The following ITSN1 variants were observed in gnomAD, a reference collection of about 807,000 sequenced individuals.
The protein encoded by ITSN1 is intersectin 1.
In ITSN1, 58 loss-of-function variants were observed where a neutral mutation model predicts 239.8. The observed-to-expected ratio is 0.24, with a 90% CI of 0.20 to 0.30. The LOEUF (loss-of-function observed/expected upper bound fraction) is 0.30, where lower values mean the gene tolerates loss of function less well. Among genes scored for constraint, ITSN1 ranks in the 10% least tolerant of loss-of-function variants. The pLI is 1.00. For synonymous variants in ITSN1, 780 were observed against 770.8 expected (o/e 1.01, Z -0.20); for missense variants, 1,558 against 2,103.3 (o/e 0.74, Z 5.07).
Position 33,865,260 on chromosome 21 carries a change from A to C in ITSN1, c.4000A>C (p.Ser1334Arg), listed in dbSNP as rs1284036421. The C allele has an allele frequency of 1.9e-6, 3 of 1,609,782 alleles. No individual in the cohort carries two copies. The highest frequency in any genetic ancestry group is 2.5e-6 in the Non-Finnish European group (3 of 1,178,430). The change falls in exon 32 of 40, where the codon AGC (serine) becomes CGC (arginine). Residue 1334 changes from serine (S) to arginine (R), a missense_variant. This residue lies in a region of ITSN1 where 576 missense variants were observed against 893.3 expected (regional missense o/e 0.64). Coordinates refer to ENST00000381318, the MANE Select transcript of ITSN1 (RefSeq NM_003024.3). The surrounding 1 kb of genome is among the most constrained non-coding windows in gnomAD (Gnocchi z 4.4). ...PHMQPYIRFC[S>R]RQLNGAALIQ... ...CATGCAGCCCTACATCCGCTTCTGC[A>C]GCCGCCAGCTCAACGGGGCTGCCCT...
intron 1 of ITSN1, among the ~76,000 whole-genome samples, chr21:33,673,542 C>T (rs2090425949): frequency 6.6e-6 from 1 of 152,144 alleles, no homozygotes; most frequent in Non-Finnish European, 1.5e-5. Flanking sequence ...GAGGACAGAG[C>T]GTGGACTTGC....
At chr21:33,691,831 G>T (rs767092327) in intron 1 of ITSN1, among the ~76,000 whole-genome samples, 3 of 152,176 alleles carry the variant, frequency 2.0e-5, no homozygotes, top group Admixed American at 1.3e-4. Context: ...TCCCATTCAT[G>T]AAGGCTCCAC....
At chr21:33,790,900 T>C (rs2071076363) in intron 16 of ITSN1, among the ~76,000 whole-genome samples, 1 of 152,202 alleles carries the variant, frequency 6.6e-6, no homozygotes, top group Admixed American at 6.5e-5. Flanking sequence ...AGGATACTTC[T>C]TAATAACTGT....
intron 1 of ITSN1, among the ~76,000 whole-genome samples, chr21:33,679,257 A>G (rs546390967): frequency 6.6e-6 from 1 of 152,202 alleles, no homozygotes; most frequent in South Asian, 2.1e-4. Context: ...TATGCATAGT[A>G]TTTGTGTTCT....
intron 12 of ITSN1, among the ~76,000 whole-genome samples, chr21:33,773,379 C>G (rs151236408): frequency 2.6e-5 from 4 of 152,028 alleles, no homozygotes; most frequent in African/African-American, 9.7e-5. Context: ...TGGAAGGCTT[C>G]GTAAATTTAG....
chr21:33,655,525 A>G lies in ITSN1; in HGVS notation c.-33+12812A>G, dbSNP rs545564722. Among the ~76,000 whole-genome samples, 106 of 150,782 alleles carry G rather than the reference A, an allele frequency of 7.0e-4. 1 individual carries two copies. The South Asian group carries it at 0.016, about 23-fold the overall frequency. On this transcript the variant is annotated intron_variant, in intron 1 of 39. Coordinates refer to ENST00000381318, the MANE Select transcript of ITSN1 (RefSeq NM_003024.3). The stretch of plus-strand genomic sequence containing the variant: ...AATCTCTACCTCCTGGGTTCAAACA[A>G]TCCCCCCACCTCAGCCCCCAGAGTG...
intron 33 of ITSN1, among the ~76,000 whole-genome samples, chr21:33,873,868 A>G (rs1983179294): frequency 6.7e-6 from 1 of 149,088 alleles, no homozygotes; most frequent in African/African-American, 2.5e-5. Context: ...CGAGACAAAA[A>G]GAACATTTAT....
intron 1 of ITSN1, among the ~76,000 whole-genome samples, chr21:33,713,610 A>T (rs760992888): frequency 6.6e-6 from 1 of 152,110 alleles, no homozygotes; most frequent in Non-Finnish European, 1.5e-5. Context: ...GCAAGCATAT[A>T]TAATGGTAGG....
intron 1 of ITSN1, among the ~76,000 whole-genome samples, chr21:33,675,449 C>A (rs1287814469): frequency 6.6e-6 from 1 of 151,934 alleles, no homozygotes; most frequent in Non-Finnish European, 1.5e-5. Flanking sequence ...TGCTTGTAGT[C>A]CCAGCTACTT....
chr21:33,825,952 CTTTTG>C (rs569540902), intron 25 of ITSN1, among the ~76,000 whole-genome samples: 39 of 152,038 alleles, frequency 2.6e-4, no homozygotes, highest in Middle Eastern at 6.8e-3. Context: ...TTTATTAAGC[CTTTTG>C]TTTTGTTTTA....
intron 10 of ITSN1, among the ~76,000 whole-genome samples, chr21:33,767,412 T>C (rs2147731577): frequency 6.6e-6 from 1 of 152,298 alleles, no homozygotes; most frequent in Middle Eastern, 3.4e-3. Flanking sequence ...TCCCACTTAG[T>C]GCTCACCATG....
chr21:33,684,709 A>T (rs747779226), intron 1 of ITSN1, among the ~76,000 whole-genome samples: 1 of 152,120 alleles, frequency 6.6e-6, no homozygotes, highest in Non-Finnish European at 1.5e-5. Flanking sequence ...CTTATATGTC[A>T]TGTAATTCTT....
At chr21:33,735,805 C>CCT in intron 5 of ITSN1, among the ~76,000 whole-genome samples, 1 of 151,952 alleles carries the variant, frequency 6.6e-6, no homozygotes. Context: ...GAGTTCGAGA[C>CCT]CAGCCTGGTC....
chr21:33,733,450 A>G (rs2147240409), intron 4 of ITSN1, among the ~76,000 whole-genome samples: 1 of 152,330 alleles, frequency 6.6e-6, no homozygotes, highest in Middle Eastern at 3.4e-3. Flanking sequence ...ATCAAGGACT[A>G]ACAACCTTCT....
At chr21:33,778,032 A>G (rs2147852351) in intron 14 of ITSN1, among the ~76,000 whole-genome samples, 1 of 152,284 alleles carries the variant, frequency 6.6e-6, no homozygotes, top group Middle Eastern at 3.4e-3. Flanking sequence ...TATTGAGATA[A>G]GTATGTGTTT....
chr21:33,785,501 T>C (rs2070588753), intron 16 of ITSN1, among the ~76,000 whole-genome samples: 1 of 152,250 alleles, frequency 6.6e-6, no homozygotes, highest in Non-Finnish European at 1.5e-5. Flanking sequence ...GTTCTTTCTC[T>C]AGAATGTCTT....
At chr21:33,838,798 C>T (rs979251817) in intron 29 of ITSN1, among the ~76,000 whole-genome samples, 4 of 152,140 alleles carry the variant, frequency 2.6e-5, no homozygotes, top group African/African-American at 9.7e-5. Context: ...TATAAGTTGT[C>T]GACACATTGA....
At chr21:33,842,924 A>G (rs56868881) in intron 29 of ITSN1, among the ~76,000 whole-genome samples, 7,576 of 151,944 alleles carry the variant, frequency 0.05, 511 homozygotes, top group African/African-American at 0.15. Flanking sequence ...CCCATTTCCT[A>G]TGCTGTCCTG....
intron 1 of ITSN1, among the ~76,000 whole-genome samples, chr21:33,648,842 G>A (rs918869062): frequency 1.7e-4 from 26 of 152,014 alleles, no homozygotes; most frequent in Middle Eastern, 3.4e-3. Context: ...AAAGAAAGGG[G>A]AGGGCAGGGC....
Sources: allele counts gnomAD v4.1 joint callset (sites outside exome capture counted in the v4.1 genomes callset), GRCh38; gene constraint gnomAD v4.1.1; regional missense constraint gnomAD v4.1.1; non-coding constraint Gnocchi (gnomAD v3.1); transcripts MANE v1.5; gene names NCBI Gene and HGNC (gene_info 2026-07-23, HGNC 2026-07-21).